Variants in PRICKLE2 observed in about 807,000 individuals in gnomAD.
PRICKLE2 encodes the protein prickle planar cell polarity protein 2.
In PRICKLE2, 21 loss-of-function variants were observed where a neutral mutation model predicts 81.4. That is an observed-to-expected ratio of 0.26 (90% confidence interval 0.18 to 0.37). The LOEUF (loss-of-function observed/expected upper bound fraction) is 0.37, where lower values mean the gene tolerates loss of function less well. PRICKLE2 is among the 10% of genes least tolerant of loss of function. The pLI, the probability that PRICKLE2 is intolerant of heterozygous loss-of-function variation, is 1.00. For missense variants in PRICKLE2, 940 were observed against 1,109.0 expected (o/e 0.85, Z 2.16); for synonymous variants, 456 against 421.5 (o/e 1.08, Z -1.00).
chr3:64,157,427 A>C, intron 4 of PRICKLE2, 62 bp from the exon 5 acceptor site: 3 of 1,527,172 alleles, frequency 2.0e-6, no homozygotes, highest in Non-Finnish European at 2.7e-6. Flanking sequence ...GCTGTGCATA[A>C]ATGATAAAGG....
chr3:64,265,866 T>C (rs953846508), intron 2 of PRICKLE2, among the ~76,000 whole-genome samples: 1 of 152,144 alleles, frequency 6.6e-6, no homozygotes, highest in Non-Finnish European at 1.5e-5. Context: ...CTGTTGAAGC[T>C]AAGTGGGAGG....
chr3:64,127,775 C>T (rs1303395217), intron 7 of PRICKLE2, among the ~76,000 whole-genome samples: 1 of 151,704 alleles, frequency 6.6e-6, no homozygotes, highest in Admixed American at 6.6e-5. Flanking sequence ...ATGCTAGGCC[C>T]CGATGCTCAA....
chr3:64,200,902 A>C (rs2078562493), intron 1 of PRICKLE2: 1 of 151,174 alleles, frequency 6.6e-6, no homozygotes. Context: ...GGCATGAGCC[A>C]CTGCCCTCAG....
intron 2 of PRICKLE2, among the ~76,000 whole-genome samples, chr3:64,171,152 G>T (rs2077924019): frequency 6.6e-6 from 1 of 152,100 alleles, no homozygotes; most frequent in South Asian, 2.1e-4. Flanking sequence ...ATATTTACAT[G>T]GTGTCATCCT....
At chr3:64,237,042 T>G (rs1419094487) in intron 2 of PRICKLE2, among the ~76,000 whole-genome samples, 1 of 152,172 alleles carries the variant, frequency 6.6e-6, no homozygotes, top group African/African-American at 2.4e-5. Flanking sequence ...TCTCAACGCC[T>G]CACAGGATGG....
Position 64,099,003 on chromosome 3 carries a change from T to C in PRICKLE2, c.*48A>G. ...ATTTAAAACAGTGCAAGTTTCTGAC[T>C]TTACATTCTTAGCTCCCATCTTCTC... is the stretch of plus-strand genomic sequence containing the variant. On this transcript the variant is annotated 3_prime_UTR_variant, in exon 8 of 8. Transcript: ENST00000638394. This position sits in a 1 kb window ranked among gnomAD's most constrained non-coding sequence, Gnocchi z 4.3. 6.2e-7 allele frequency: 1 copy of C among 1,610,812 alleles called. No individual in the cohort carries two copies. Among genetic ancestry groups the C allele is most frequent in the Non-Finnish European group, 8.5e-7 (1 of 1,177,226 alleles).
intron 2 of PRICKLE2, among the ~76,000 whole-genome samples, chr3:64,262,590 T>C (rs1186334975): frequency 6.7e-6 from 1 of 148,378 alleles, no homozygotes. Flanking sequence ...GAAAAAGACA[T>C]GAGCAAGCAG....
chr3:64,160,909 T>C (rs959411444), intron 3 of PRICKLE2, among the ~76,000 whole-genome samples: 2 of 152,028 alleles, frequency 1.3e-5, no homozygotes, highest in African/African-American at 4.8e-5. Context: ...CAAAAGAAAG[T>C]ATAACTATAA....
chr3:64,188,569 C>A (rs537257306), intron 2 of PRICKLE2, among the ~76,000 whole-genome samples: 1 of 152,122 alleles, frequency 6.6e-6, no homozygotes, highest in Admixed American at 6.5e-5. Flanking sequence ...AACCACGGGA[C>A]GAGGCAGACC....
In PRICKLE2 at chr3:64,198,774, A is replaced by G. The variant is rs74535153; in HGVS notation, c.144+10T>C. On this transcript the variant is annotated intron_variant, in intron 2 of 7. Transcript: ENST00000638394. Reference sequence around the variant, plus strand: ...CCAAACCACCAGCATGCTCCCATCCAGAATGGTACCTGTTCAGGCTTCAGA... The same window carrying G: ...CCAAACCACCAGCATGCTCCCATCCGGAATGGTACCTGTTCAGGCTTCAGA... 2,343 of 1,614,030 alleles carry G rather than the reference A, an allele frequency of 1.5e-3. 31 individuals are homozygous for G. The African/African-American group carries it at 0.026, about 18-fold the overall frequency.
chr3:64,171,727 T>G (rs2107062863), intron 2 of PRICKLE2, among the ~76,000 whole-genome samples: 1 of 152,344 alleles, frequency 6.6e-6, no homozygotes, highest in South Asian at 2.1e-4. Flanking sequence ...AAGCGAGATT[T>G]CAAGAGGAAA....
intron 2 of PRICKLE2, among the ~76,000 whole-genome samples, chr3:64,164,105 GCTCACA>G (rs1203335478): frequency 5.9e-5 from 9 of 152,132 alleles, no homozygotes; most frequent in African/African-American, 2.2e-4. Flanking sequence ...AGGCATGGTG[GCTCACA>G]CCTGAAATCC....
intron 2 of PRICKLE2, among the ~76,000 whole-genome samples, chr3:64,259,927 G>A (rs2079591821): frequency 6.6e-6 from 1 of 152,142 alleles, no homozygotes; most frequent in Non-Finnish European, 1.5e-5. Flanking sequence ...CACCAAGATT[G>A]TGGTAATTTG....
chr3:64,111,231 G>T, intron 7 of PRICKLE2, among the ~76,000 whole-genome samples: 1 of 152,296 alleles, frequency 6.6e-6, no homozygotes, highest in South Asian at 2.1e-4. Context: ...CTGGTGCGGG[G>T]ACACCAATGA....
At chr3:64,192,217 C>T (rs1439511648) in intron 2 of PRICKLE2, among the ~76,000 whole-genome samples, 1 of 152,178 alleles carries the variant, frequency 6.6e-6, no homozygotes, top group South Asian at 2.1e-4. Flanking sequence ...ACAGAGGACC[C>T]CTGCCGTTGG....
chr3:64,130,922 C>CA (rs2077187658), intron 7 of PRICKLE2, among the ~76,000 whole-genome samples: 1 of 152,126 alleles, frequency 6.6e-6, no homozygotes, highest in African/African-American at 2.4e-5. Flanking sequence ...AGTGGGTACC[C>CA]AATCTAATTC....
chr3:64,124,413 T>C (rs79025051), intron 7 of PRICKLE2, among the ~76,000 whole-genome samples: 6 of 152,362 alleles, frequency 3.9e-5, no homozygotes, highest in Admixed American at 6.5e-5. Flanking sequence ...CTGATGACGA[T>C]AGCTACACTA....
intron 7 of PRICKLE2, among the ~76,000 whole-genome samples, chr3:64,115,657 A>C (rs2076922148): frequency 6.6e-6 from 1 of 152,166 alleles, no homozygotes. Flanking sequence ...CACTATCCTA[A>C]ATATATATGT....
rs563272373 is a variant in PRICKLE2 at position 64,096,997 on chromosome 3, C to G, written c.*2054G>C. 6.6e-6 allele frequency: 1 copy of G among 152,562 alleles called. No homozygotes were observed. Among genetic ancestry groups the G allele is most frequent in the African/African-American group, 2.4e-5 (1 of 41,420 alleles). The allele number at this position is 152,562 out of a possible 1,614,324, so 9.5% of individuals were successfully genotyped here. ...TACCAGAAACCTGCCACTTTAGTAGCACGGTATTGCAAATTATTTCTTAAT... is the reference window on the plus strand; with the variant it reads ...TACCAGAAACCTGCCACTTTAGTAGGACGGTATTGCAAATTATTTCTTAAT... On this transcript the variant is annotated 3_prime_UTR_variant, in exon 8 of 8. Coordinates refer to ENST00000638394, the MANE Select transcript of PRICKLE2 (RefSeq NM_198859.4).
Sources: gnomAD v4.1 joint callset for allele counts (sites outside exome capture counted in the v4.1 genomes callset) on GRCh38, gnomAD v4.1.1 for gene constraint, Gnocchi (gnomAD v3.1) non-coding constraint, MANE v1.5 for transcripts, NCBI Gene and HGNC (gene_info 2026-07-23, HGNC 2026-07-21) for gene names.